The following EPB41L4A variants were observed in gnomAD, a reference collection of about 807,000 sequenced individuals.
The protein encoded by EPB41L4A is erythrocyte membrane protein band 4.1 like 4A, also known as band 4.1-like protein 4A.
Under a neutral mutation model 108.6 loss-of-function variants are expected in EPB41L4A, and 100 were observed. That is an observed-to-expected ratio of 0.92 (90% CI 0.78 to 1.09). EPB41L4A has a LOEUF of 1.09. Ranked by LOEUF, EPB41L4A falls within the 50% of genes least tolerant of loss-of-function variation. The pLI is 0.00. For missense variants in EPB41L4A, 1,030 were observed against 842.7 expected (o/e 1.22, Z -2.75); for synonymous variants, 319 against 289.0 (o/e 1.10, Z -1.05).
intron 12 of EPB41L4A, among the ~76,000 whole-genome samples, chr5:112,152,458 G>C (rs566512320): frequency 6.6e-6 from 1 of 152,108 alleles, no homozygotes; most frequent in Non-Finnish European, 1.5e-5. Flanking sequence ...CCTTTGGGTG[G>C]TGATTATGTC....
In EPB41L4A at chr5:112,164,845, A is replaced by G; in HGVS notation, c.*145T>C. 1.0e-6 allele frequency: 1 copy of G among 976,168 alleles called. No individual in the cohort carries two copies. Among genetic ancestry groups the G allele is most frequent in the Non-Finnish European group, 1.4e-6 (1 of 700,916 alleles). 60.5% of individuals were successfully genotyped at this position (976,168 alleles called of 1,614,324 possible). A position where few individuals can be genotyped will look rare whatever the true frequency, so the allele number is the denominator to read the frequency against. ...TGATAACATCTCAAAAAAAAAAAAA[A>G]AAAGAAGCAAAAGATAATGTATTTT... On this transcript the variant is annotated 3_prime_UTR_variant, in exon 23 of 23. Transcript: ENST00000261486.
intron 18 of EPB41L4A, among the ~76,000 whole-genome samples, chr5:112,181,252 C>A (rs1761133882): frequency 6.6e-6 from 1 of 151,194 alleles, no homozygotes; most frequent in Admixed American, 6.6e-5. Context: ...GAGATCGAGA[C>A]CATCCTGGCT....
At chr5:112,154,521 C>CT (rs1470466700) in intron 12 of EPB41L4A, among the ~76,000 whole-genome samples, 5 of 152,104 alleles carry the variant, frequency 3.3e-5, no homozygotes, top group African/African-American at 1.2e-4. Context: ...CTTCAATACT[C>CT]TTTTTACATA....
chr5:112,396,361 G>A (rs1292781263), intron 1 of EPB41L4A, among the ~76,000 whole-genome samples: 1 of 152,186 alleles, frequency 6.6e-6, no homozygotes, highest in Non-Finnish European at 1.5e-5. Flanking sequence ...TTTAGACTAT[G>A]TCATATTGAG....
At chr5:112,340,944 C>T (rs1462009430) in intron 1 of EPB41L4A, among the ~76,000 whole-genome samples, 1 of 152,144 alleles carries the variant, frequency 6.6e-6, no homozygotes, top group African/African-American at 2.4e-5. Flanking sequence ...TTCTTTCCCT[C>T]TATCAAACAG....
At chr5:112,221,447 T>C (rs1561486855) in intron 12 of EPB41L4A, among the ~76,000 whole-genome samples, 1 of 152,226 alleles carries the variant, frequency 6.6e-6, no homozygotes, top group Non-Finnish European at 1.5e-5. Context: ...TCCTGTGATC[T>C]TGGACAAGTT....
intron 1 of EPB41L4A, among the ~76,000 whole-genome samples, chr5:112,409,031 G>C (rs900636938): frequency 2.0e-5 from 3 of 152,032 alleles, no homozygotes; most frequent in Non-Finnish European, 4.4e-5. Flanking sequence ...ACTTGTACAT[G>C]ATTGTTCATA....
intron 1 of EPB41L4A, among the ~76,000 whole-genome samples, chr5:112,311,110 C>T (rs1296079307): frequency 1.3e-5 from 2 of 152,078 alleles, no homozygotes; most frequent in African/African-American, 4.8e-5. Context: ...GTGATCCTCC[C>T]GCCTCAGCCT....
At chr5:112,419,722 G>C (rs1319495799), upstream of EPB41L4A, 1 of 456,762 alleles carries the variant, frequency 2.2e-6, no homozygotes, top group African/African-American at 2.0e-5. Flanking sequence ...GCGCCGAGGA[G>C]CCGGAAGAGA....
Position 112,240,793 on chromosome 5 carries a change from G to A in EPB41L4A, c.813C>T (p.Phe271=), listed in dbSNP as rs771551149. The A allele has an allele frequency of 2.5e-6, 4 of 1,592,294 alleles. No homozygotes were observed. Among genetic ancestry groups the A allele is most frequent in the African/African-American group, 2.7e-5 (2 of 73,706 alleles). Residue 271 remains phenylalanine (F), a synonymous_variant, in exon 10 of 23, where the codon TTC becomes TTT. Coordinates refer to ENST00000261486, the MANE Select transcript of EPB41L4A (RefSeq NM_022140.5). ...VLGKDCNETS[F]FFEARSKTAC... The stretch of plus-strand genomic sequence containing the variant: ...CAGTTTTACTCCGAGCTTCAAAAAA[G>A]AATGAGGTTTCGTTACACTAAGAGA...
At chr5:112,272,195 C>T (rs971419500) in intron 4 of EPB41L4A, among the ~76,000 whole-genome samples, 10 of 145,330 alleles carry the variant, frequency 6.9e-5, no homozygotes, top group African/African-American at 2.5e-4. Context: ...AGTGCAGTGC[C>T]GCAATCTTGG....
chr5:112,280,022 C>CA (rs1425473902), intron 3 of EPB41L4A, among the ~76,000 whole-genome samples: 4 of 152,116 alleles, frequency 2.6e-5, no homozygotes, highest in African/African-American at 9.7e-5. Context: ...AAACCACAGA[C>CA]AAAATCAAGG....
At chr5:112,297,442 C>T (rs973573971) in intron 2 of EPB41L4A, among the ~76,000 whole-genome samples, 17 of 151,840 alleles carry the variant, frequency 1.1e-4, no homozygotes, top group Admixed American at 1.3e-4. Flanking sequence ...TATCTTCTTT[C>T]GAGAATTGTC....
intron 12 of EPB41L4A, among the ~76,000 whole-genome samples, chr5:112,150,353 C>G (rs1231598567): frequency 3.3e-5 from 5 of 151,800 alleles, no homozygotes; most frequent in Non-Finnish European, 7.4e-5. Context: ...CCCTGTCAAT[C>G]AGAGTATCAG....
upstream of EPB41L4A, chr5:112,419,571 C>CG (rs1762966371): frequency 2.2e-6 from 1 of 447,574 alleles, no homozygotes; most frequent in Admixed American, 2.4e-5. Context: ...GACCCCGCCC[C>CG]GCAGCCCCGG....
intron 1 of EPB41L4A, among the ~76,000 whole-genome samples, chr5:112,369,949 T>C (rs1302202268): frequency 1.3e-5 from 2 of 150,954 alleles, no homozygotes; most frequent in African/African-American, 2.5e-5. Context: ...TCCACCTTTA[T>C]GGAAATCCTC....
At chr5:112,372,554 C>A (rs1340049159) in intron 1 of EPB41L4A, among the ~76,000 whole-genome samples, 2 of 152,146 alleles carry the variant, frequency 1.3e-5, no homozygotes, top group East Asian at 3.9e-4. Flanking sequence ...GTACAAAGAC[C>A]TGAAGGCAGG....
chr5:112,292,085 T>C (rs1024243544), intron 2 of EPB41L4A, among the ~76,000 whole-genome samples: 1 of 152,218 alleles, frequency 6.6e-6, no homozygotes, highest in Non-Finnish European at 1.5e-5. Context: ...ATTCAGTACC[T>C]GATATTTGAG....
chr5:112,239,283 G>A (rs1561500754), intron 11 of EPB41L4A, among the ~76,000 whole-genome samples: 1 of 152,168 alleles, frequency 6.6e-6, no homozygotes, highest in Non-Finnish European at 1.5e-5. Context: ...AAAAAGTATA[G>A]ATTGTATTAA....
Sources: gnomAD v4.1 joint callset for allele counts (sites outside exome capture counted in the v4.1 genomes callset) on GRCh38, gnomAD v4.1.1 for gene constraint, MANE v1.5 for transcripts, NCBI Gene and HGNC (gene_info 2026-07-23, HGNC 2026-07-21) for gene names.